ACTB: variants seen among roughly 807,000 people sequenced by gnomAD.
ACTB encodes the protein actin, cytoplasmic 1.
Under a neutral mutation model 30.5 loss-of-function variants are expected in ACTB, and 2 were observed. That is an observed-to-expected ratio of 0.07 (90% CI 0.03 to 0.21). The LOEUF is 0.21. Among genes scored for constraint, ACTB ranks in the 10% least tolerant of loss-of-function variants. The pLI is 1.00. For synonymous variants in ACTB, 335 were observed against 217.6 expected (o/e 1.54, Z -4.75); for missense variants, 56 against 530.0 (o/e 0.11, Z 8.78).
At chr7:5,528,811 G>T in intron 3 of ACTB, 92 bp from the exon 4 acceptor site, 1 of 1,505,382 alleles carries the variant, frequency 6.6e-7, no homozygotes, top group South Asian at 1.1e-5. Context: ...AAAGAACACG[G>T]CTAAGTGTGC....
intron 1 of ACTB, chr7:5,529,913 A>C: frequency 1.3e-4 from 58 of 455,704 alleles, no homozygotes; most frequent in Middle Eastern, 6.2e-4. Context: ...CGGTTCAAAC[A>C]GCGCCGGGTC....
At position 5,529,525 on chromosome 7, in the gene ACTB, G is replaced by GGGC. The variant is rs1784838226; in HGVS notation, c.123+9_123+10insGCC. ...CTCCCGGGGCTGCCCCACCCAGCCA[G>GGGC]CTCCCCTACCTGGTGCCTGGGGCGC... is the stretch of plus-strand genomic sequence containing the variant. On this transcript the variant is annotated intron_variant, in intron 2 of 5. Coordinates refer to ENST00000646664, the MANE Select transcript of ACTB (RefSeq NM_001101.5). 3.7e-6 allele frequency: 6 copies of GGGC among 1,611,412 alleles called. No homozygotes were observed. In the East Asian group the frequency reaches 1.3e-4, roughly 36 times the overall value.
At chr7:5,528,909 C>A (rs1179829624) in intron 3 of ACTB, 190 bp from the exon 4 acceptor site, 3 of 1,456,606 alleles carry the variant, frequency 2.1e-6, no homozygotes, top group Non-Finnish European at 2.8e-6. Flanking sequence ...GCCTCATGGC[C>A]TTGTCACACG....
chr7:5,527,444 G>C lies in ACTB; in HGVS notation c.*304C>G, dbSNP rs1285432459. ...GGCCATTCTCCTTAGAGAGAAGTGG[G>C]GTGGCTTTTAGGATGGCAAGGGACT... On this transcript the variant is annotated 3_prime_UTR_variant, in exon 6 of 6. Coordinates refer to ENST00000646664, the MANE Select transcript of ACTB (RefSeq NM_001101.5). 73 of 482,616 alleles carry C rather than the reference G, an allele frequency of 1.5e-4. 1 individual carries two copies. In the East Asian group the frequency reaches 2.7e-3, roughly 18 times the overall value. 29.9% of individuals were successfully genotyped at this position (482,616 alleles called of 1,614,324 possible). A position where few individuals can be genotyped will look rare whatever the true frequency, so the allele number is the denominator to read the frequency against.
intron 3 of ACTB, 169 bp downstream of exon 3, chr7:5,528,992 G>A: frequency 3.1e-6 from 5 of 1,592,920 alleles, no homozygotes; most frequent in East Asian, 2.3e-5. Context: ...CAGAAAAAGA[G>A]CTCATCTGGG....
At chr7:5,530,260 A>T (rs1201243426) in intron 1 of ACTB, among the ~76,000 whole-genome samples, 1 of 151,780 alleles carries the variant, frequency 6.6e-6, no homozygotes, top group East Asian at 1.9e-4. Context: ...CGGCTCAGAC[A>T]AAGACCCCGC....
intron 1 of ACTB, among the ~76,000 whole-genome samples, chr7:5,530,232 T>A (rs1784862766): frequency 6.6e-6 from 1 of 151,776 alleles, no homozygotes; most frequent in African/African-American, 2.4e-5. Flanking sequence ...CACCCTGCGA[T>A]CCCCATTGGC....
At chr7:5,530,116 ATTAGCGCCAATTCCCAGCGCGCACGCAG>A (rs1212883479) in intron 1 of ACTB, 3 of 152,390 alleles carry the variant, frequency 2.0e-5, no homozygotes, top group African/African-American at 7.3e-5. Flanking sequence ...CGCACGCGCA[ATTAGCGCCAATTCCCAGCGCGCACGCAG>A]TTAGCGCCCA....
intron 1 of ACTB, chr7:5,529,877 A>C: frequency 3.9e-6 from 3 of 767,982 alleles, no homozygotes; most frequent in Non-Finnish European, 6.5e-6. Flanking sequence ...ACCCCCTCCC[A>C]ACCGGGCGCC....
Position 5,528,699 on chromosome 7 carries a change from G to A in ACTB, c.384C>T (p.Asn128=). ...GGATAGCAACGTACATGGCTGGGGT[G>A]TTGAAGGTCTCAAACATGATCTGTA... ...KMTQIMFETF[N]TPAMYVAIQA... The change falls in exon 4 of 6, where the codon AAC becomes AAT. Residue 128 remains asparagine, a synonymous_variant. Transcript: ENST00000646664. 6.2e-7 allele frequency: 1 copy of A among 1,613,824 alleles called. No homozygotes were observed. The highest frequency in any genetic ancestry group is 8.5e-7 in the Non-Finnish European group (1 of 1,180,026).
In ACTB at chr7:5,529,124, G is replaced by C. The variant is rs200359258; in HGVS notation, c.363+37C>G. ...CGCAGCTCCGGGAGGCCAGGAAGGA[G>C]GGAGGCGGCCACCAGAAGAGGTAGC... On this transcript the variant is annotated intron_variant, in intron 3 of 5. Coordinates refer to ENST00000646664, the MANE Select transcript of ACTB (RefSeq NM_001101.5). 47 of 1,613,756 alleles carry C rather than the reference G, an allele frequency of 2.9e-5. No individual in the cohort carries two copies. In the African/African-American group the frequency reaches 4.3e-4, roughly 15 times the overall value.
chr7:5,529,093 A>G, intron 3 of ACTB, 68 bp downstream of exon 3: 1 of 1,613,494 alleles, frequency 6.2e-7, no homozygotes. Flanking sequence ...AACCAGTGAG[A>G]AAGGGCGCAG....
Position 5,530,263 on chromosome 7 carries a change from G to A in ACTB, c.-7+261C>T, listed in dbSNP as rs570770523. Among the ~76,000 whole-genome samples the A allele has an allele frequency of 1.5e-4, 23 of 152,076 alleles. No individual in the cohort carries two copies. The East Asian group carries it at 2.5e-3, about 17-fold the overall frequency. ...TTGGCAAGAGCCCGGCTCAGACAAA[G>A]ACCCCGCCGGTTGCCCCCGCCCCGA... On this transcript the variant is annotated intron_variant, in intron 1 of 5. Transcript: ENST00000646664.
intron 2 of ACTB, 56 bp downstream of exon 2, chr7:5,529,479 A>C (rs1784836721): frequency 6.2e-7 from 1 of 1,612,818 alleles, no homozygotes; most frequent in East Asian, 2.2e-5. Context: ...GTGCAGAGAA[A>C]GCGCCCTTGC....
chr7:5,529,870 C>G (rs1784849768), intron 1 of ACTB: 1 of 829,960 alleles, frequency 1.2e-6, no homozygotes, highest in African/African-American at 1.7e-5. Context: ...GGCCCCAACC[C>G]CCTCCCAACC....
intron 3 of ACTB, 22 bp from the exon 4 acceptor site, chr7:5,528,741 T>C (rs148496113): frequency 1.1e-5 from 17 of 1,612,356 alleles, no homozygotes; most frequent in East Asian, 4.5e-5. Context: ...AGATACACCA[T>C]GTCACACTGG....
chr7:5,527,916 T>C (rs1332871780), intron 5 of ACTB, 25 bp from the exon 6 acceptor site: 1 of 1,612,900 alleles, frequency 6.2e-7, no homozygotes, highest in Non-Finnish European at 8.5e-7. Context: ...GGACAGGCAG[T>C]GAGGACCCTG....
rs1336045127 is a variant in ACTB at position 5,527,400 on chromosome 7, T to C, written c.*348A>G. 7.6e-6 allele frequency: 3 copies of C among 396,832 alleles called. No homozygotes were observed. Among genetic ancestry groups the C allele is most frequent in the Non-Finnish European group, 1.4e-5 (3 of 214,748 alleles). 24.6% of individuals were successfully genotyped at this position (396,832 alleles called of 1,614,324 possible). ...AAGCAATGCTATCACCTCCCCTGTG[T>C]GGACTTGGGAGAGGACTGGGCCATT... On this transcript the variant is annotated 3_prime_UTR_variant, in exon 6 of 6. Coordinates refer to ENST00000646664, the MANE Select transcript of ACTB (RefSeq NM_001101.5).
At chr7:5,530,163 G>A (rs922430065) in intron 1 of ACTB, among the ~76,000 whole-genome samples, 1 of 152,006 alleles carries the variant, frequency 6.6e-6, no homozygotes, top group Non-Finnish European at 1.5e-5. Context: ...CAAAGGACCA[G>A]CGCGCACGCG....
Sources: gnomAD v4.1 joint callset for allele counts (sites outside exome capture counted in the v4.1 genomes callset) on GRCh38, gnomAD v4.1.1 for gene constraint, MANE v1.5 for transcripts, NCBI Gene and HGNC (gene_info 2026-07-23, HGNC 2026-07-21) for gene names.